Variants in NRG1 observed in about 807,000 individuals in gnomAD.
NRG1 encodes the protein pro-neuregulin-1, membrane-bound isoform.
In NRG1, 18 loss-of-function variants were observed where a neutral mutation model predicts 63.8. The ratio of observed to expected loss-of-function variants is 0.28; its 90% CI spans 0.19 to 0.42. The LOEUF (loss-of-function observed/expected upper bound fraction) is 0.42. NRG1 is among the 10% of genes least tolerant of loss of function. The probability of loss-of-function intolerance (pLI) is 1.00; values close to 1 mark genes in which losing one functional copy is unlikely to be tolerated. For synonymous variants in NRG1, 302 were observed against 301.3 expected (o/e 1.00, Z -0.02); for missense variants, 762 against 814.7 (o/e 0.94, Z 0.79).
At chr8:31,868,050 A>T (rs1263001371) in intron 1 of NRG1, among the ~76,000 whole-genome samples, 4 of 151,600 alleles carry the variant, frequency 2.6e-5, no homozygotes, top group African/African-American at 9.7e-5. Context: ...TTCTCTAGGA[A>T]TGTTATTTCA....
At chr8:31,807,965 G>A (rs527497676) in intron 1 of NRG1, among the ~76,000 whole-genome samples, 2 of 150,042 alleles carry the variant, frequency 1.3e-5, no homozygotes, top group South Asian at 4.2e-4. Context: ...GTGTGTGTGT[G>A]TGTGTGTGTG....
At chr8:32,234,813 T>C (rs1847363066) in intron 1 of NRG1, among the ~76,000 whole-genome samples, 1 of 152,148 alleles carries the variant, frequency 6.6e-6, no homozygotes. Context: ...TGATATTATA[T>C]TTGCTTTCTG....
intron 1 of NRG1, among the ~76,000 whole-genome samples, chr8:32,081,658 G>C (rs1827483678): frequency 1.3e-5 from 2 of 152,222 alleles, no homozygotes; most frequent in Non-Finnish European, 2.9e-5. Context: ...TGGAAAGACA[G>C]ACTCCACTTA....
chr8:31,871,880 C>T (rs1829517564), intron 1 of NRG1, among the ~76,000 whole-genome samples: 1 of 152,134 alleles, frequency 6.6e-6, no homozygotes, highest in South Asian at 2.1e-4. Flanking sequence ...TTGACAAAGT[C>T]TTTCAAAGAG....
intron 1 of NRG1, among the ~76,000 whole-genome samples, chr8:32,479,876 C>T (rs1825030514): frequency 6.6e-6 from 1 of 152,074 alleles, no homozygotes; most frequent in African/African-American, 2.4e-5. Flanking sequence ...TCTCAATCTC[C>T]TGACCTTGTG....
intron 6 of NRG1, among the ~76,000 whole-genome samples, chr8:32,738,658 C>G (rs1375421123): frequency 6.6e-6 from 1 of 152,210 alleles, no homozygotes; most frequent in East Asian, 1.9e-4. Context: ...AGAAGCCAGT[C>G]TCCCTAGTCT....
chr8:31,878,331 G>A (rs750094436), intron 1 of NRG1, among the ~76,000 whole-genome samples: 3 of 152,062 alleles, frequency 2.0e-5, no homozygotes, highest in Non-Finnish European at 4.4e-5. Flanking sequence ...CAGATAGGTT[G>A]TATTATCTAT....
intron 1 of NRG1, among the ~76,000 whole-genome samples, chr8:32,414,672 A>C (rs1815609340): frequency 6.6e-6 from 1 of 152,178 alleles, no homozygotes; most frequent in Non-Finnish European, 1.5e-5. Context: ...CTGTAGCAGG[A>C]GAGTAGTGCC....
chr8:32,758,352 G>A (rs768926930), intron 9 of NRG1, among the ~76,000 whole-genome samples: 6 of 152,016 alleles, frequency 3.9e-5, no homozygotes, highest in Admixed American at 2.0e-4. Flanking sequence ...AGAGGTGGAC[G>A]GATCACCTGA....
intron 5 of NRG1, among the ~76,000 whole-genome samples, chr8:32,634,711 T>C (rs1207437284): frequency 6.6e-6 from 1 of 152,184 alleles, no homozygotes; most frequent in Non-Finnish European, 1.5e-5. Flanking sequence ...TAAGTCCAAA[T>C]AAAAATTTTA....
At chr8:32,683,160 C>A (rs1563937722) in intron 5 of NRG1, among the ~76,000 whole-genome samples, 1 of 152,138 alleles carries the variant, frequency 6.6e-6, no homozygotes, top group Non-Finnish European at 1.5e-5. Flanking sequence ...AAATGAGAAC[C>A]TTGCCATTTC....
At position 32,092,267 on chromosome 8, in the gene NRG1, G is replaced by C. The variant is rs188396632; in HGVS notation, c.37+452836G>C. ...TGAGCCCAGTTCTAGACTAACCTGG[G>C]CAACATGGCAAAACCTTGTCTCTAC... On this transcript the variant is annotated intron_variant, in intron 1 of 10. Transcript: ENST00000519301. Among the ~76,000 whole-genome samples the C allele has an allele frequency of 1.5e-4, 23 of 151,738 alleles. No individual in the cohort carries two copies. The East Asian group carries it at 4.5e-3, about 30-fold the overall frequency.
chr8:31,751,117 G>A (rs1586143744), intron 1 of NRG1, among the ~76,000 whole-genome samples: 1 of 151,966 alleles, frequency 6.6e-6, no homozygotes, highest in African/African-American at 2.4e-5. Context: ...AATCATAGGA[G>A]GTGGGTAACA....
intron 1 of NRG1, among the ~76,000 whole-genome samples, chr8:31,721,301 T>A (rs1300193234): frequency 6.6e-6 from 1 of 152,220 alleles, no homozygotes; most frequent in Non-Finnish European, 1.5e-5. Flanking sequence ...GATATTGTAA[T>A]CCTGTGTGGG....
intron 6 of NRG1, among the ~76,000 whole-genome samples, chr8:32,735,561 G>T (rs1190501208): frequency 6.6e-6 from 1 of 152,264 alleles, no homozygotes; most frequent in East Asian, 1.9e-4. Context: ...GCTGTTTGAC[G>T]AGACAGGGAA....
chr8:32,726,538 G>A (rs1822240400), intron 5 of NRG1, among the ~76,000 whole-genome samples: 1 of 152,070 alleles, frequency 6.6e-6, no homozygotes, highest in Non-Finnish European at 1.5e-5. Flanking sequence ...AAGCCATGCT[G>A]AGATCAATGA....
At chr8:32,321,496 T>C (rs1801379919) in intron 1 of NRG1, among the ~76,000 whole-genome samples, 1 of 147,664 alleles carries the variant, frequency 6.8e-6, no homozygotes, top group Admixed American at 6.8e-5. Flanking sequence ...AAAAAAAAAA[T>C]CTGACAGCAG....
At chr8:31,866,090 GT>G (rs1563502508) in intron 1 of NRG1, among the ~76,000 whole-genome samples, 1 of 152,102 alleles carries the variant, frequency 6.6e-6, no homozygotes, top group Non-Finnish European at 1.5e-5. Context: ...TTTTCTCAAA[GT>G]GCCATCTTCC....
intron 1 of NRG1, among the ~76,000 whole-genome samples, chr8:31,715,831 G>A (rs1022297532): frequency 1.3e-5 from 2 of 152,142 alleles, no homozygotes; most frequent in African/African-American, 4.8e-5. Context: ...GGGATTGGAG[G>A]CTGAAGGCAG....
Sources: allele counts gnomAD v4.1 joint callset (sites outside exome capture counted in the v4.1 genomes callset), GRCh38; gene constraint gnomAD v4.1.1; transcripts MANE v1.5; gene names NCBI Gene and HGNC (gene_info 2026-07-23, HGNC 2026-07-21).